Variants in CLSTN1 observed in about 807,000 individuals in gnomAD.
CLSTN1 encodes the protein calsyntenin-1.
Under a neutral mutation model 108.3 loss-of-function variants are expected in CLSTN1, and 28 were observed. That is an observed-to-expected ratio of 0.26 (90% CI 0.19 to 0.35). CLSTN1 has a LOEUF of 0.35. Ranked by LOEUF, CLSTN1 falls within the 10% of genes least tolerant of loss-of-function variation. CLSTN1 has a pLI of 1.00. For missense variants in CLSTN1, 1,157 were observed against 1,302.6 expected, an observed-to-expected ratio of 0.89 and a Z score of 1.72; for synonymous variants, 524 against 534.9, an observed-to-expected ratio of 0.98 and a Z score of 0.28.
chr1:9,796,434 T>C (rs542356076), intron 1 of CLSTN1, among the ~76,000 whole-genome samples: 201 of 149,138 alleles, frequency 1.3e-3, no homozygotes, highest in African/African-American at 4.7e-3. Context: ...CCCAGCACTT[T>C]GGGAGGCCGA....
chr1:9,808,961 C>T (rs1258980781), intron 1 of CLSTN1, among the ~76,000 whole-genome samples: 1 of 152,000 alleles, frequency 6.6e-6, no homozygotes, highest in Non-Finnish European at 1.5e-5. Flanking sequence ...CCCTTTTCCC[C>T]TTCTCCTTCA....
intron 1 of CLSTN1, among the ~76,000 whole-genome samples, chr1:9,786,596 TTGTG>T (rs1553180977): frequency 2.0e-4 from 30 of 146,624 alleles, no homozygotes; most frequent in South Asian, 2.0e-3. Context: ...TGAGCTGAGA[TTGTG>T]CTATTGCACT....
At chr1:9,758,905 T>C (rs1270940372) in intron 2 of CLSTN1, among the ~76,000 whole-genome samples, 2 of 152,180 alleles carry the variant, frequency 1.3e-5, no homozygotes, top group Non-Finnish European at 2.9e-5. Context: ...TACAAGAGCC[T>C]CTGTACGCCT....
intron 11 of CLSTN1, among the ~76,000 whole-genome samples, chr1:9,736,993 C>T (rs978762354): frequency 5.3e-5 from 8 of 151,966 alleles, no homozygotes; most frequent in African/African-American, 1.9e-4. Flanking sequence ...GAATTGCTTG[C>T]ACCCAGGAGG....
Position 9,729,021 on chromosome 1 carries a change from T to A in CLSTN1, c.*1487A>T, listed in dbSNP as rs1479661531. On this transcript the variant is annotated 3_prime_UTR_variant, in exon 19 of 19. Coordinates refer to ENST00000377298, the MANE Select transcript of CLSTN1 (RefSeq NM_001009566.3). ...GAGAGAAGACAAACCCCGCTCCGGCTGGAGTTAGTTAGAACCAGAACTTTA... is the reference window on the plus strand; with the variant it reads ...GAGAGAAGACAAACCCCGCTCCGGCAGGAGTTAGTTAGAACCAGAACTTTA... 1 of 152,220 alleles carries A rather than the reference T, an allele frequency of 6.6e-6. No homozygotes were observed. Among genetic ancestry groups the A allele is most frequent in the Non-Finnish European group, 1.5e-5 (1 of 68,042 alleles). The allele number at this position is 152,220 out of a possible 1,614,324, so 9.4% of individuals were successfully genotyped here. A position where few individuals can be genotyped will look rare whatever the true frequency, so the allele number is the denominator to read the frequency against.
chr1:9,789,450 CAAAGT>C, intron 1 of CLSTN1, among the ~76,000 whole-genome samples: 1 of 151,236 alleles, frequency 6.6e-6, no homozygotes, highest in Non-Finnish European at 1.5e-5. Context: ...GATAAGATAC[CAAAGT>C]AGACAACAGA....
chr1:9,770,349 T>C (rs1241760187), intron 2 of CLSTN1, among the ~76,000 whole-genome samples: 1 of 152,194 alleles, frequency 6.6e-6, no homozygotes, highest in African/African-American at 2.4e-5. Flanking sequence ...AAATACACAA[T>C]AAAATTAAAT....
chr1:9,735,839 G>A (rs1368478975), intron 12 of CLSTN1, 46 bp downstream of exon 12: 5 of 1,609,324 alleles, frequency 3.1e-6, no homozygotes, highest in South Asian at 2.2e-5. Context: ...CGGGGCTGTA[G>A]TCTAAGGGGC....
At chr1:9,767,248 A>T (rs1433821268) in intron 2 of CLSTN1, among the ~76,000 whole-genome samples, 1 of 152,140 alleles carries the variant, frequency 6.6e-6, no homozygotes, top group Non-Finnish European at 1.5e-5. Flanking sequence ...ACTGCGTAAG[A>T]TTGGAGAAGA....
At position 9,729,886 on chromosome 1, in the gene CLSTN1, T is replaced by A. The variant is rs2101066458; in HGVS notation, c.*622A>T. ...GGGCTGGGCGGGGTGGGCCTCTCCC[T>A]CTGGGGTCTGGGGAGGGAGGACCCG... On this transcript the variant is annotated 3_prime_UTR_variant, in exon 19 of 19. Transcript: ENST00000377298. 6.4e-6 allele frequency: 1 copy of A among 155,194 alleles called. No homozygotes were observed. The highest frequency in any genetic ancestry group is 1.4e-5 in the Non-Finnish European group (1 of 69,922). 9.6% of individuals were successfully genotyped at this position (155,194 alleles called of 1,614,324 possible).
rs971658213 is a variant in CLSTN1, at chr1:9,738,419, G to C, written c.1520-865C>G. ...TTTTGGGCTGCGGCTGTGCGGGGCT[G>C]CATCAAGGGGCAAGGCTAGAGGTGT... On this transcript the variant is annotated intron_variant, in intron 10 of 18. Transcript: ENST00000377298. Among the ~76,000 whole-genome samples, 81 of 152,316 alleles carry C rather than the reference G, an allele frequency of 5.3e-4. 1 individual carries two copies. Among genetic ancestry groups the C allele is most frequent in the African/African-American group, 1.9e-3 (78 of 41,558 alleles).
At chr1:9,798,018 T>C (rs1233623013) in intron 1 of CLSTN1, among the ~76,000 whole-genome samples, 6 of 150,498 alleles carry the variant, frequency 4.0e-5, no homozygotes, top group Non-Finnish European at 7.4e-5. Flanking sequence ...TGCTTTAACC[T>C]GGGAGGTGGA....
At chr1:9,750,062 C>G (rs1651480235) in intron 5 of CLSTN1, 149 bp from the exon 6 acceptor site, 1 of 634,398 alleles carries the variant, frequency 1.6e-6, no homozygotes, top group African/African-American at 1.8e-5. Context: ...TAACCCTCAA[C>G]CTGTCCTCCC....
chr1:9,773,311 G>A lies in CLSTN1; in HGVS notation c.175C>T (p.Leu59=). ...GGCGCATCTTTATCCAGCGCGATCAGTGGGGGGTCGAGGAGCACGGTGTTG... is the reference window on the plus strand; with the variant it reads ...GGCGCATCTTTATCCAGCGCGATCAATGGGGGGTCGAGGAGCACGGTGTTG... ...NDNTVLLDPP[L]IALDKDAPLR... is the part of the protein sequence containing the mutation. Residue 59 remains leucine (L), a synonymous_variant, in exon 2 of 19, where the codon CTG becomes TTG. Transcript: ENST00000377298. The A allele has an allele frequency of 6.2e-7, 1 of 1,614,194 alleles. No homozygotes were observed. The highest frequency in any genetic ancestry group is 8.5e-7 in the Non-Finnish European group (1 of 1,180,020).
chr1:9,819,260 TA>T (rs1655105048), intron 1 of CLSTN1, among the ~76,000 whole-genome samples: 1 of 152,120 alleles, frequency 6.6e-6, no homozygotes, highest in African/African-American at 2.4e-5. Flanking sequence ...CCAAAAAAAT[TA>T]AAAAACATAC....
chr1:9,735,410 C>T, intron 13 of CLSTN1, 57 bp downstream of exon 13: 1 of 1,611,248 alleles, frequency 6.2e-7, no homozygotes, highest in Non-Finnish European at 8.5e-7. Context: ...TCTTAAAAAC[C>T]TAAATATACA....
intron 2 of CLSTN1, among the ~76,000 whole-genome samples, chr1:9,757,047 G>A (rs964399525): frequency 7.9e-5 from 12 of 151,616 alleles, no homozygotes; most frequent in African/African-American, 2.9e-4. Context: ...CAAAGTGCTG[G>A]GATTACAGGA....
At chr1:9,807,854 T>C (rs1654571931) in intron 1 of CLSTN1, among the ~76,000 whole-genome samples, 1 of 152,254 alleles carries the variant, frequency 6.6e-6, no homozygotes, top group African/African-American at 2.4e-5. Context: ...CCTCCTTTTC[T>C]TCTCACTGGC....
intron 16 of CLSTN1, among the ~76,000 whole-genome samples, chr1:9,732,474 T>C (rs1196575522): frequency 6.6e-6 from 1 of 152,216 alleles, no homozygotes; most frequent in Non-Finnish European, 1.5e-5. Context: ...GTAGACCTTT[T>C]TCCTCAAATC....
Sources: allele counts gnomAD v4.1 joint callset (sites outside exome capture counted in the v4.1 genomes callset), GRCh38; gene constraint gnomAD v4.1.1; transcripts MANE v1.5; gene names NCBI Gene and HGNC (gene_info 2026-07-23, HGNC 2026-07-21).